PKD1: variants seen among roughly 807,000 people sequenced by gnomAD.
The protein encoded by PKD1 is polycystin-1.
PKD1 carries 81 observed loss-of-function variants against 361.7 expected under a neutral mutation model. The ratio of observed to expected loss-of-function variants is 0.22; its 90% CI spans 0.19 to 0.27. PKD1 has a LOEUF of 0.27. Ranked by LOEUF, PKD1 falls within the 10% of genes least tolerant of loss-of-function variation. The pLI is 1.00. For synonymous variants in PKD1, 3,615 were observed against 2,818.3 expected (o/e 1.28, Z -8.95); for missense variants, 6,399 against 6,118.3 (o/e 1.05, Z -1.53).
chr16:2,125,436 G>A (rs1023293936), intron 1 of PKD1, among the ~76,000 whole-genome samples: 4 of 152,198 alleles, frequency 2.6e-5, no homozygotes, highest in Admixed American at 6.5e-5. Flanking sequence ...CAGGCTCAGC[G>A]GCATTCTGTC....
Position 2,091,180 on chromosome 16 carries a change from G to A in PKD1, c.11713-6C>T, listed in dbSNP as rs777756102. On this transcript the variant is annotated splice_polypyrimidine_tract_variant and splice_region_variant and intron_variant, in intron 42 of 45. Transcript: ENST00000262304. ...GCGAACAGCAGCAGGCACACCTGTG[G>A]GGGGCGCGGTCAGGAGGGCGGGAGG... is the stretch of plus-strand genomic sequence containing the variant. The A allele has an allele frequency of 7.8e-6, 11 of 1,413,278 alleles. No homozygotes were observed. In the African/African-American group the frequency reaches 1.1e-4, roughly 14 times the overall value. The allele number at this position is 1,413,278 out of a possible 1,614,324, so 87.5% of individuals were successfully genotyped here. A position where few individuals can be genotyped will look rare whatever the true frequency, so the allele number is the denominator to read the frequency against.
chr16:2,117,228 G>A (rs1164940530), intron 6 of PKD1, among the ~76,000 whole-genome samples, 175 bp from the exon 7 acceptor site: 1 of 152,184 alleles, frequency 6.6e-6, no homozygotes, highest in Non-Finnish European at 1.5e-5. Context: ...CACCCACGGG[G>A]CCTGTGGGTA....
chr16:2,115,491 G>T lies in PKD1; in HGVS notation c.1984C>A (p.Pro662Thr), dbSNP rs1311843750. 1.4e-5 allele frequency: 23 copies of T among 1,601,956 alleles called. No individual in the cohort carries two copies. The highest frequency in any genetic ancestry group is 1.9e-5 in the Non-Finnish European group (22 of 1,175,800). Residue 662 changes from proline to threonine, a missense_variant, in exon 10 of 46, where the codon CCC (proline) becomes ACC (threonine). Pro to Thr is a conservative substitution (Grantham distance 38). Coordinates refer to ENST00000262304, the MANE Select transcript of PKD1 (RefSeq NM_001009944.3). ...ICLPLDASCH[P>T]QACANGCTSG... Reference sequence around the variant, plus strand: ...GTGCAGCCATTGGCGCAGGCCTGGGGGTGGCAGGAGGCGTCCAGCGGCAAG... The same window carrying T: ...GTGCAGCCATTGGCGCAGGCCTGGGTGTGGCAGGAGGCGTCCAGCGGCAAG...
Position 2,111,010 on chromosome 16 carries a change from T to A in PKD1, c.4157A>T (p.Gln1386Leu). The change falls in exon 15 of 46, where the codon CAG becomes CTG. Residue 1386 changes from glutamine to leucine, a missense_variant. By Grantham distance (113) the Gln-to-Leu change is moderately radical (BLOSUM62 -2). Coordinates refer to ENST00000262304, the MANE Select transcript of PKD1 (RefSeq NM_001009944.3). ...VEPEVGNVTL[Q>L]PERQFVQLGD... ...GAGCTGCACAAACTGCCTCTCTGGCTGCAGGGTGACGTTGCCCACCTCTGG... is the reference window on the plus strand; with the variant it reads ...GAGCTGCACAAACTGCCTCTCTGGCAGCAGGGTGACGTTGCCCACCTCTGG... 2 of 1,610,688 alleles carry A rather than the reference T, an allele frequency of 1.2e-6. No individual in the cohort carries two copies. The highest frequency in any genetic ancestry group is 1.7e-6 in the Non-Finnish European group (2 of 1,179,802).
Position 2,088,871 on chromosome 16 carries a change from GTGCGCGCGCGC to G in PKD1, c.*845_*855del. The G allele has an allele frequency of 2.0e-6, 1 of 495,432 alleles. No homozygotes were observed. Among genetic ancestry groups the G allele is most frequent in the South Asian group, 2.1e-5 (1 of 48,166 alleles). 30.7% of individuals were successfully genotyped at this position (495,432 alleles called of 1,614,324 possible). On this transcript the variant is annotated 3_prime_UTR_variant, in exon 46 of 46. Transcript: ENST00000262304. ...CCTGGGCCATACAGCACACTCGCGC[GTGCGCGCGCGC>G]ACACACACACACACACAGTCACCTT...
chr16:2,100,109 G>T lies in PKD1; in HGVS notation c.9713-38C>A. On this transcript the variant is annotated intron_variant, in intron 28 of 45. Coordinates refer to ENST00000262304, the MANE Select transcript of PKD1 (RefSeq NM_001009944.3). This position sits in a 1 kb window ranked among gnomAD's most constrained non-coding sequence, Gnocchi z 4.4. ...GAGGGCCGCACTGCAGGAGGCCACGGGGCAGGACCACCCTGCCCAACCTCC... is the reference window on the plus strand; with the variant it reads ...GAGGGCCGCACTGCAGGAGGCCACGTGGCAGGACCACCCTGCCCAACCTCC... 6.2e-7 allele frequency: 1 copy of T among 1,604,734 alleles called. No homozygotes were observed. Among genetic ancestry groups the T allele is most frequent in the African/African-American group, 1.3e-5 (1 of 74,810 alleles).
chr16:2,101,946 A>C, intron 26 of PKD1, 115 bp downstream of exon 26: 3 of 706,832 alleles, frequency 4.2e-6, no homozygotes, highest in Non-Finnish European at 7.7e-6. Flanking sequence ...CCCTTCACAC[A>C]GCACTGCAAA....
intron 1 of PKD1, among the ~76,000 whole-genome samples, chr16:2,133,932 C>T (rs1349504423): frequency 2.0e-5 from 3 of 151,344 alleles, no homozygotes; most frequent in Non-Finnish European, 4.4e-5. Flanking sequence ...CCTTGCTCTC[C>T]GCTCAGCAGC....
At chr16:2,124,552 C>T (rs951487028) in intron 1 of PKD1, among the ~76,000 whole-genome samples, 8 of 152,194 alleles carry the variant, frequency 5.3e-5, no homozygotes, top group East Asian at 1.9e-4. Context: ...GGGCAGCTCC[C>T]GGGGCCCTCC....
chr16:2,090,153 G>C lies in PKD1; in HGVS notation c.12486C>G (p.Pro4162=), dbSNP rs759210811. ...CCTTGGAGCCCCTGGAGGAGCGAGA[G>C]GGCAGCGGCTCCATCCCTTCAAAGC... The part of the protein sequence containing the change: ...KVRFEGMEPL[P]SRSSRGSKVS... Residue 4162 remains proline, a synonymous_variant, in exon 46 of 46, where the codon CCC becomes CCG. Coordinates refer to ENST00000262304, the MANE Select transcript of PKD1 (RefSeq NM_001009944.3). 1.3e-6 allele frequency: 2 copies of C among 1,596,548 alleles called. No individual in the cohort carries two copies. The highest frequency in any genetic ancestry group is 1.1e-5 in the South Asian group (1 of 89,646).
Position 2,094,013 on chromosome 16 carries a change from C to G in PKD1, c.10619G>C (p.Gly3540Ala), listed in dbSNP as rs201409107. ...QPQAARLSRT[G>A]LVEGLRKRLL... ...GCGCTTCCGCAGACCCTCCACCAGTCCTGGGGAAGCAGAGACAGACCTGTG... is the reference window on the plus strand; with the variant it reads ...GCGCTTCCGCAGACCCTCCACCAGTGCTGGGGAAGCAGAGACAGACCTGTG... The change falls in exon 36 of 46, where the codon GGA (glycine) becomes GCA (alanine). Residue 3540 changes from glycine (G) to alanine (A), a missense_variant and splice_region_variant. Coordinates refer to ENST00000262304, the MANE Select transcript of PKD1 (RefSeq NM_001009944.3). 378 of 1,590,384 alleles carry G rather than the reference C, an allele frequency of 2.4e-4. 1 individual carries two copies. Among genetic ancestry groups the G allele is most frequent in the South Asian group, 3.4e-4 (30 of 88,168 alleles).
Position 2,090,655 on chromosome 16 carries a change from C to G in PKD1, c.12138+19G>C. ...CTGAGCTGAGCTAAGACGCCCTCCCCGGCCGCGCAGTCACCTACCAGGATG... is the reference window on the plus strand; with the variant it reads ...CTGAGCTGAGCTAAGACGCCCTCCCGGGCCGCGCAGTCACCTACCAGGATG... On this transcript the variant is annotated intron_variant, in intron 44 of 45. Coordinates refer to ENST00000262304, the MANE Select transcript of PKD1 (RefSeq NM_001009944.3). The G allele has an allele frequency of 2.5e-6, 4 of 1,610,864 alleles. No individual in the cohort carries two copies. The highest frequency in any genetic ancestry group is 3.4e-6 in the Non-Finnish European group (4 of 1,179,674).
intron 21 of PKD1, among the ~76,000 whole-genome samples, chr16:2,104,993 C>G (rs1188655020): frequency 6.1e-5 from 4 of 65,460 alleles, no homozygotes; most frequent in African/African-American, 2.5e-4. Flanking sequence ...AGGGGAAGGG[C>G]TAGGGGAGGG....
At chr16:2,103,939 G>A (rs761366731) in intron 22 of PKD1, 44 bp from the exon 23 acceptor site, 30 of 1,386,060 alleles carry the variant, frequency 2.2e-5, no homozygotes, top group African/African-American at 6.0e-5. Context: ...GGAGGTAGAG[G>A]GAGGGTGGGG....
intron 1 of PKD1, among the ~76,000 whole-genome samples, chr16:2,129,334 G>A (rs1347240931): frequency 3.3e-5 from 5 of 150,574 alleles, no homozygotes; most frequent in African/African-American, 4.9e-5. Flanking sequence ...TATTGGTCTC[G>A]CTATGTTGCC....
rs1281905448 is a variant in PKD1, at chr16:2,117,572, C to T, written c.1302G>A (p.Glu434=). Reference sequence around the variant, plus strand: ...CGGCCCCGGCCCAGGCCTGACACTGCTCCTGCGCCTGCAGCCAGGCCGCCT... The same window carrying T: ...CGGCCCCGGCCCAGGCCTGACACTGTTCCTGCGCCTGCAGCCAGGCCGCCT... ...VEKAAWLQAQ[E]QCQAWAGAAL... The change falls in exon 6 of 46, where the codon GAG becomes GAA. Residue 434 remains glutamate, a synonymous_variant. Transcript: ENST00000262304. 7.5e-6 allele frequency: 12 copies of T among 1,607,190 alleles called. No individual in the cohort carries two copies. The highest frequency in any genetic ancestry group is 1.0e-5 in the Non-Finnish European group (12 of 1,178,098).
At chr16:2,116,280 A>C in intron 8 of PKD1, 162 bp from the exon 9 acceptor site, 1 of 781,216 alleles carries the variant, frequency 1.3e-6, no homozygotes, top group East Asian at 2.7e-5. Flanking sequence ...TCCGGTGGAA[A>C]CTGTCCATGG....
chr16:2,089,290 GAC>G lies in PKD1; in HGVS notation c.*435_*436del, dbSNP rs367951136. The G allele has an allele frequency of 3.1e-5, 7 of 222,808 alleles. No individual in the cohort carries two copies. The highest frequency in any genetic ancestry group is 2.1e-4 in the South Asian group (2 of 9,498). 13.8% of individuals were successfully genotyped at this position (222,808 alleles called of 1,614,324 possible). On this transcript the variant is annotated 3_prime_UTR_variant, in exon 46 of 46. Transcript: ENST00000262304. Reference sequence around the variant, plus strand: ...AACACCATATAAATTACTGACACGAGACACACAGTGAGACGGTGCAGGGAGTA... The same window carrying G: ...AACACCATATAAATTACTGACACGAGACACAGTGAGACGGTGCAGGGAGTA...
In PKD1 at chr16:2,093,708, C is replaced by A; in HGVS notation, c.10852G>T (p.Val3618Leu). The A allele has an allele frequency of 6.3e-7, 1 of 1,595,568 alleles. No homozygotes were observed. Among genetic ancestry groups the A allele is most frequent in the Non-Finnish European group, 8.5e-7 (1 of 1,170,556 alleles). The change falls in exon 37 of 46, where the codon GTG becomes TTG. Residue 3618 changes from valine to leucine, a missense_variant. Transcript: ENST00000262304. Reference protein sequence around the residue: ...VLLEALYFSLVAKRLHPDEDD... With the variant: ...VLLEALYFSLLAKRLHPDEDD... ...TCATCCGGGTGCAGCCGCTTGGCCACCAGTGAGAAGTACAGGGCTTCCAGC... is the reference window on the plus strand; with the variant it reads ...TCATCCGGGTGCAGCCGCTTGGCCAACAGTGAGAAGTACAGGGCTTCCAGC...
Sources: gnomAD v4.1 joint callset for allele counts (sites outside exome capture counted in the v4.1 genomes callset) on GRCh38, gnomAD v4.1.1 for gene constraint, Gnocchi (gnomAD v3.1) non-coding constraint, MANE v1.5 for transcripts, NCBI Gene and HGNC (gene_info 2026-07-23, HGNC 2026-07-21) for gene names.